The following ZNF684 variants were observed in gnomAD, a reference collection of about 807,000 sequenced individuals.
ZNF684 encodes hypothetical protein MGC27466.
Under a neutral mutation model 12.8 loss-of-function variants are expected in ZNF684, and 13 were observed. The observed-to-expected ratio is 1.02, with a 90% CI of 0.66 to 1.62. The LOEUF (loss-of-function observed/expected upper bound fraction) is 1.62, where lower values mean the gene tolerates loss of function less well. Ranked by LOEUF, ZNF684 falls within the 40% of genes most tolerant of loss-of-function variation. The probability of loss-of-function intolerance (pLI) is 0.00; values close to 1 mark genes in which losing one functional copy is unlikely to be tolerated. For missense variants in ZNF684, 384 were observed against 446.9 expected, an observed-to-expected ratio of 0.86 and a Z score of 1.27; for synonymous variants, 118 against 151.8, an observed-to-expected ratio of 0.78 and a Z score of 1.64.
chr1:40,541,393 C>T (rs1570111257), intron 3 of ZNF684: 1 of 355,968 alleles, frequency 2.8e-6, no homozygotes, highest in Non-Finnish European at 5.5e-6. Flanking sequence ...CTGTGTTAGC[C>T]AGGATGGTCT....
At position 40,546,985 on chromosome 1, in the gene ZNF684, G is replaced by A. The variant is rs1444988261; in HGVS notation, c.662G>A (p.Gly221Glu). 1.9e-6 allele frequency: 3 copies of A among 1,613,928 alleles called. No individual in the cohort carries two copies. The highest frequency in any genetic ancestry group is 1.7e-5 in the Admixed American group (1 of 59,990). ...AGACCCTTTGTGTGCAATGATTGTG[G>A]GAAGGCGTTTATGCATAAAGCCCAA... ...GERPFVCNDC[G>E]KAFMHKAQLV... Residue 221 changes from glycine to glutamate, a missense_variant, in exon 5 of 5, where the codon GGG becomes GAG. Transcript: ENST00000372699.
At chr1:40,540,883 C>T (rs547573060) in intron 3 of ZNF684, among the ~76,000 whole-genome samples, 171 bp downstream of exon 3, 23 of 151,964 alleles carry the variant, frequency 1.5e-4, no homozygotes, top group African/African-American at 4.8e-4. Flanking sequence ...GCCTGAGCAA[C>T]GTTGTGAGAC....
chr1:40,541,481 C>A, intron 3 of ZNF684, 134 bp from the exon 4 acceptor site: 1 of 654,084 alleles, frequency 1.5e-6, no homozygotes, highest in Non-Finnish European at 2.7e-6. Context: ...CCGCGCCCAG[C>A]CTGGGTCTGT....
Position 40,540,651 on chromosome 1 carries a change from T to G in ZNF684, c.81T>G (p.Cys27Trp). ...FTAEEWQLLD[C>W]AERTLYWDVM... ...CAGAGGAGTGGCAGCTGCTTGATTG[T>G]GCTGAGAGAACCCTGTATTGGGATG... Residue 27 changes from cysteine to tryptophan, a missense_variant, in exon 3 of 5, where the codon TGT becomes TGG. By Grantham distance (215) the Cys-to-Trp change is radical. Coordinates refer to ENST00000372699, the MANE Select transcript of ZNF684 (RefSeq NM_152373.4). 1 of 1,612,822 alleles carries G rather than the reference T, an allele frequency of 6.2e-7. No homozygotes were observed. The highest frequency in any genetic ancestry group is 8.5e-7 in the Non-Finnish European group (1 of 1,179,422).
chr1:40,541,740 G>A, intron 4 of ZNF684, 30 bp downstream of exon 4: 1 of 1,574,914 alleles, frequency 6.3e-7, no homozygotes, highest in Non-Finnish European at 8.7e-7. Context: ...ATGGGGCTGT[G>A]TGGAGTTGAG....
chr1:40,545,383 G>T (rs912467704), intron 4 of ZNF684, among the ~76,000 whole-genome samples: 5 of 152,156 alleles, frequency 3.3e-5, no homozygotes, highest in Non-Finnish European at 5.9e-5. Context: ...GAAAAAATGT[G>T]AATTCAAGAG....
intron 4 of ZNF684, chr1:40,544,395 A>G (rs769310096): frequency 1.9e-5 from 8 of 426,488 alleles, no homozygotes; most frequent in Non-Finnish European, 2.3e-5. Context: ...TTTTTGAGAC[A>G]GAGTCTCGCT....
chr1:40,536,399 AAAAAAAAAAAG>A (rs1470992931), intron 2 of ZNF684, among the ~76,000 whole-genome samples: 2 of 150,700 alleles, frequency 1.3e-5, no homozygotes, highest in Non-Finnish European at 3.0e-5. Flanking sequence ...GTCTCACAAA[AAAAAAAAAAAG>A]AAAAAAAAAA....
In ZNF684 at chr1:40,547,600, A is replaced by C. The variant is rs1470116280; in HGVS notation, c.*140A>C. 6 of 714,852 alleles carry C rather than the reference A, an allele frequency of 8.4e-6. No homozygotes were observed. The highest frequency in any genetic ancestry group is 7.1e-5 in the African/African-American group (4 of 56,258). The allele number at this position is 714,852 out of a possible 1,614,324, so 44.3% of individuals were successfully genotyped here. On this transcript the variant is annotated 3_prime_UTR_variant, in exon 5 of 5. Transcript: ENST00000372699. ...CCATAAAAAACAACCAATGCCAATC[A>C]TGTTCTGGAAGTGATAATAAACTTT...
chr1:40,541,170 A>G (rs1646012491), intron 3 of ZNF684: 1 of 154,354 alleles, frequency 6.5e-6, no homozygotes. Context: ...TCCTTCCCAG[A>G]TGGAGGAGAA....
chr1:40,534,750 T>C (rs1645975444), intron 2 of ZNF684, among the ~76,000 whole-genome samples: 1 of 151,766 alleles, frequency 6.6e-6, no homozygotes, highest in Admixed American at 6.6e-5. Flanking sequence ...CCCAGCACTT[T>C]GGGAGGCTAA....
rs765999850 is a variant in ZNF684 at position 40,546,901 on chromosome 1, G to A, written c.578G>A (p.Gly193Glu). 3.1e-6 allele frequency: 5 copies of A among 1,613,984 alleles called. No homozygotes were observed. The highest frequency in any genetic ancestry group is 3.4e-6 in the Non-Finnish European group (4 of 1,180,026). ...RKKPFECNDC[G>E]KAYSRKAHLA... is the part of the protein sequence containing the mutation. Reference sequence around the variant, plus strand: ...AAACCTTTTGAATGCAATGACTGTGGAAAAGCCTATAGCAGGAAGGCACAC... The same window carrying A: ...AAACCTTTTGAATGCAATGACTGTGAAAAAGCCTATAGCAGGAAGGCACAC... The change falls in exon 5 of 5, where the codon GGA becomes GAA. Residue 193 changes from glycine (G) to glutamate (E), a missense_variant. Coordinates refer to ENST00000372699, the MANE Select transcript of ZNF684 (RefSeq NM_152373.4).
chr1:40,533,074 G>A, intron 1 of ZNF684, 69 bp from the exon 2 acceptor site: 2 of 1,318,658 alleles, frequency 1.5e-6, no homozygotes, highest in South Asian at 2.5e-5. Flanking sequence ...GATAGAGCAG[G>A]GTTCTACTTT....
chr1:40,538,987 G>C (rs1471730721), intron 2 of ZNF684, among the ~76,000 whole-genome samples: 1 of 152,058 alleles, frequency 6.6e-6, no homozygotes. Flanking sequence ...AGGAGTACAA[G>C]AGCAGTCTGG....
intron 2 of ZNF684, among the ~76,000 whole-genome samples, chr1:40,540,322 A>C (rs991415055): frequency 3.9e-5 from 6 of 152,094 alleles, no homozygotes; most frequent in African/African-American, 1.4e-4. Flanking sequence ...ATACTTTTGC[A>C]TGTGGATGTC....
intron 2 of ZNF684, among the ~76,000 whole-genome samples, chr1:40,537,552 C>T (rs184922274): frequency 8.7e-4 from 133 of 152,078 alleles, no homozygotes; most frequent in Middle Eastern, 3.4e-3. Context: ...CTATCCTGGC[C>T]AACATGGTGA....
chr1:40,542,098 A>G (rs1418182883), intron 4 of ZNF684, among the ~76,000 whole-genome samples: 1 of 152,156 alleles, frequency 6.6e-6, no homozygotes, highest in Non-Finnish European at 1.5e-5. Flanking sequence ...GCGTTACTCT[A>G]CCAATCACTG....
At position 40,546,874 on chromosome 1, in the gene ZNF684, A is replaced by C; in HGVS notation, c.551A>C (p.Lys184Thr). 1 of 1,613,662 alleles carries C rather than the reference A, an allele frequency of 6.2e-7. No homozygotes were observed. The highest frequency in any genetic ancestry group is 8.5e-7 in the Non-Finnish European group (1 of 1,179,928). ...FIRHEKNHTR[K>T]KPFECNDCGK... ...AGACATGAAAAAAATCATACAAGGA[A>C]AAAACCTTTTGAATGCAATGACTGT... The change falls in exon 5 of 5, where the codon AAA becomes ACA. Residue 184 changes from lysine (K) to threonine (T), a missense_variant. Transcript: ENST00000372699.
intron 2 of ZNF684, among the ~76,000 whole-genome samples, chr1:40,536,697 T>C (rs1197590115): frequency 7.4e-6 from 1 of 134,842 alleles, no homozygotes; most frequent in Non-Finnish European, 1.5e-5. Context: ...CAGAGTGTGA[T>C]GTTCCCCTTC....
Sources: gnomAD v4.1 joint callset for allele counts (sites outside exome capture counted in the v4.1 genomes callset) on GRCh38, gnomAD v4.1.1 for gene constraint, MANE v1.5 for transcripts, NCBI Gene and HGNC (gene_info 2026-07-23, HGNC 2026-07-21) for gene names.